KALRN: variants seen among roughly 807,000 people sequenced by gnomAD.
The protein encoded by KALRN is kalirin RhoGEF kinase, also known as kalirin.
Under a neutral mutation model 353.7 loss-of-function variants are expected in KALRN, and 70 were observed. That is an observed-to-expected ratio of 0.20 (90% CI 0.16 to 0.24). The LOEUF is 0.24. KALRN is among the 10% of genes least tolerant of loss of function. The pLI, the probability that KALRN is intolerant of heterozygous loss-of-function variation, is 1.00. For synonymous variants in KALRN, 1,391 were observed against 1,434.8 expected, an observed-to-expected ratio of 0.97 and a Z score of 0.69; for missense variants, 2,791 against 3,756.7, an observed-to-expected ratio of 0.74 and a Z score of 6.72.
chr3:124,659,147 A>G lies in KALRN; in HGVS notation c.6124-218A>G, dbSNP rs528347649. ...AAGGTGTGGAAGTACTCACTGTAAA[A>G]GCATGGGAGGAAGGCAGGAAGCCAG... On this transcript the variant is annotated intron_variant, in intron 42 of 59. Transcript: ENST00000682506. Among the ~76,000 whole-genome samples the G allele has an allele frequency of 7.2e-5, 11 of 151,938 alleles. 1 individual carries two copies. In the South Asian group the frequency reaches 2.3e-3, roughly 32 times the overall value.
intron 1 of KALRN, among the ~76,000 whole-genome samples, chr3:124,196,678 T>A (rs1280418746): frequency 6.6e-6 from 1 of 152,182 alleles, no homozygotes; most frequent in Non-Finnish European, 1.5e-5. Flanking sequence ...CGTACACACT[T>A]TATAACCTTT....
intron 47 of KALRN, among the ~76,000 whole-genome samples, chr3:124,670,319 C>A (rs2086243252): frequency 6.6e-6 from 1 of 152,200 alleles, no homozygotes; most frequent in Admixed American, 6.5e-5. Flanking sequence ...TTGGTTGAAT[C>A]CATGGTTGTG....
chr3:124,668,969 A>G (rs2086026077), intron 47 of KALRN, among the ~76,000 whole-genome samples: 1 of 152,262 alleles, frequency 6.6e-6, no homozygotes, highest in Non-Finnish European at 1.5e-5. Flanking sequence ...AAGGTGCAAC[A>G]GTAAGTTGAA....
chr3:124,344,437 C>G (rs1452541671), intron 9 of KALRN, among the ~76,000 whole-genome samples: 3 of 152,346 alleles, frequency 2.0e-5, no homozygotes. Flanking sequence ...AGGGTCCAGA[C>G]AGTATGTGGT....
At chr3:124,284,555 A>T (rs2075650817) in intron 5 of KALRN, among the ~76,000 whole-genome samples, 1 of 152,172 alleles carries the variant, frequency 6.6e-6, no homozygotes, top group South Asian at 2.1e-4. Context: ...AGCCCACAGT[A>T]TACGTCTCTT....
intron 3 of KALRN, among the ~76,000 whole-genome samples, chr3:124,251,614 G>A (rs926422451): frequency 9.2e-5 from 14 of 152,084 alleles, no homozygotes; most frequent in Admixed American, 7.9e-4. Flanking sequence ...CAAGCAAGTC[G>A]CCTGTTGCAG....
intron 23 of KALRN, among the ~76,000 whole-genome samples, chr3:124,458,293 A>AAAAAGAG (rs1472678677): frequency 0.013 from 1,938 of 150,322 alleles, 26 homozygotes; most frequent in East Asian, 0.052. Flanking sequence ...AAAAAAAAAA[A>AAAAAGAG]AAAGAGAATG....
intron 33 of KALRN, among the ~76,000 whole-genome samples, chr3:124,508,701 T>C (rs2065520131): frequency 6.6e-6 from 1 of 152,204 alleles, no homozygotes; most frequent in African/African-American, 2.4e-5. Context: ...AGGATGTGTG[T>C]GTATATTTTC....
At chr3:124,340,435 A>T (rs1284810154) in intron 9 of KALRN, among the ~76,000 whole-genome samples, 1 of 152,092 alleles carries the variant, frequency 6.6e-6, no homozygotes, top group African/African-American at 2.4e-5. Context: ...AGGCATGAGA[A>T]TCACTTGAAC....
intron 1 of KALRN, among the ~76,000 whole-genome samples, chr3:124,122,230 G>A (rs1447118629): frequency 2.0e-5 from 3 of 152,138 alleles, no homozygotes; most frequent in African/African-American, 4.8e-5. Flanking sequence ...TGCAGTGCTG[G>A]TGGAGGCTCA....
At chr3:124,632,252 G>A (rs562982491) in intron 34 of KALRN, among the ~76,000 whole-genome samples, 168 bp from the exon 35 acceptor site, 15 of 152,160 alleles carry the variant, frequency 9.9e-5, no homozygotes, top group African/African-American at 1.7e-4. Context: ...TTGAGTGAGC[G>A]TTTGCCTTTC....
intron 37 of KALRN, among the ~76,000 whole-genome samples, chr3:124,646,147 T>C (rs1458728807): frequency 2.6e-5 from 4 of 152,136 alleles, no homozygotes; most frequent in Non-Finnish European, 4.4e-5. Context: ...ACCAGCTAGC[T>C]TACCCATTGT....
At chr3:124,654,161 C>T (rs1215666314) in intron 38 of KALRN, among the ~76,000 whole-genome samples, 1 of 152,228 alleles carries the variant, frequency 6.6e-6, no homozygotes, top group Non-Finnish European at 1.5e-5. Flanking sequence ...TTCTACCAGG[C>T]GGTAACTTGG....
At chr3:124,414,866 C>A (rs2092408647) in intron 14 of KALRN, among the ~76,000 whole-genome samples, 5 of 152,210 alleles carry the variant, frequency 3.3e-5, no homozygotes, top group Admixed American at 3.3e-4. Context: ...CATGTCCCTG[C>A]TTATCCTGAA....
intron 6 of KALRN, among the ~76,000 whole-genome samples, chr3:124,308,965 A>T (rs2077977416): frequency 6.6e-6 from 1 of 152,096 alleles, no homozygotes; most frequent in African/African-American, 2.4e-5. Flanking sequence ...GAAAGAGGGG[A>T]TATTATTACT....
At chr3:124,679,909 C>T (rs747870370) in intron 51 of KALRN, among the ~76,000 whole-genome samples, 32 of 152,180 alleles carry the variant, frequency 2.1e-4, no homozygotes, top group African/African-American at 7.7e-4. Context: ...TGTTTAGTTT[C>T]TCCCGCTTTT....
At chr3:124,205,634 T>C (rs1388516905) in intron 1 of KALRN, among the ~76,000 whole-genome samples, 1 of 152,150 alleles carries the variant, frequency 6.6e-6, no homozygotes, top group African/African-American at 2.4e-5. Context: ...GAACTTTGGG[T>C]ACCATTTAAT....
At chr3:124,274,638 T>G (rs1291552701) in intron 5 of KALRN, among the ~76,000 whole-genome samples, 2 of 152,226 alleles carry the variant, frequency 1.3e-5, no homozygotes. Flanking sequence ...TTGTATTTGT[T>G]TAATGTGTAA....
chr3:124,433,686 G>T (rs1401914763), intron 16 of KALRN, among the ~76,000 whole-genome samples: 3 of 151,300 alleles, frequency 2.0e-5, no homozygotes, highest in African/African-American at 4.9e-5. Context: ...TGGGGATTAT[G>T]TATTGAAGTG....
Sources: allele counts gnomAD v4.1 joint callset (sites outside exome capture counted in the v4.1 genomes callset), GRCh38; gene constraint gnomAD v4.1.1; transcripts MANE v1.5; gene names NCBI Gene and HGNC (gene_info 2026-07-23, HGNC 2026-07-21).